SOS1: variants seen among roughly 807,000 people sequenced by gnomAD.
The protein encoded by SOS1 is son of sevenless homolog 1.
A neutral mutation model predicts 157.6 loss-of-function variants in SOS1; 25 were observed. The observed-to-expected ratio is 0.16, with a 90% CI of 0.12 to 0.22. The LOEUF (loss-of-function observed/expected upper bound fraction) is 0.22. SOS1 is among the 10% of genes least tolerant of loss of function. The pLI is 1.00. For missense variants in SOS1, 1,237 were observed against 1,599.1 expected (o/e 0.77, Z 3.86); for synonymous variants, 528 against 534.0 (o/e 0.99, Z 0.16).
At chr2:39,113,743 T>C (rs1673530641) in intron 1 of SOS1, among the ~76,000 whole-genome samples, 1 of 152,176 alleles carries the variant, frequency 6.6e-6, no homozygotes, top group Non-Finnish European at 1.5e-5. Flanking sequence ...TTTGTGTTCC[T>C]GAATCTTCAC....
At chr2:38,996,057 T>C (rs975237752) in intron 19 of SOS1, among the ~76,000 whole-genome samples, 1 of 152,210 alleles carries the variant, frequency 6.6e-6, no homozygotes, top group African/African-American at 2.4e-5. Context: ...CTTGGTCACT[T>C]AGAAGCCATC....
chr2:39,024,148 A>C lies in SOS1; in HGVS notation c.1075-11T>G. Reference sequence around the variant, plus strand: ...TTTTTCTTCTAACTGCTGTAAAGCCAAAATGACAAATCTGAACCAGTAGTA... The same window carrying C: ...TTTTTCTTCTAACTGCTGTAAAGCCCAAATGACAAATCTGAACCAGTAGTA... On this transcript the variant is annotated splice_polypyrimidine_tract_variant and intron_variant, in intron 8 of 22. Coordinates refer to ENST00000402219, the MANE Select transcript of SOS1 (RefSeq NM_005633.4). The C allele has an allele frequency of 1.2e-6, 2 of 1,606,212 alleles. No homozygotes were observed. Among genetic ancestry groups the C allele is most frequent in the Non-Finnish European group, 1.7e-6 (2 of 1,173,174 alleles).
intron 11 of SOS1, 94 bp downstream of exon 11, chr2:39,014,669 ATT>A: frequency 1.6e-6 from 1 of 640,388 alleles, no homozygotes; most frequent in Admixed American, 2.6e-5. Context: ...TGTGAAGTAT[ATT>A]TTAAAGCTCA....
At chr2:39,061,045 C>G (rs1671383308) in intron 2 of SOS1, among the ~76,000 whole-genome samples, 1 of 151,714 alleles carries the variant, frequency 6.6e-6, no homozygotes, top group African/African-American at 2.4e-5. Flanking sequence ...TCAATTATGT[C>G]TACCTCATTC....
chr2:39,034,765 A>G (rs953166834), intron 8 of SOS1: 5 of 455,302 alleles, frequency 1.1e-5, no homozygotes, highest in African/African-American at 1.0e-4. Context: ...AAGTCAGGTA[A>G]ACTAACCTTC....
At chr2:39,113,414 T>G (rs1247491388) in intron 1 of SOS1, among the ~76,000 whole-genome samples, 2 of 151,566 alleles carry the variant, frequency 1.3e-5, no homozygotes, top group African/African-American at 2.4e-5. Context: ...CCTAGGCTGT[T>G]CTCAAACTCC....
intron 12 of SOS1, 73 bp downstream of exon 12, chr2:39,013,794 A>G (rs1669539923): frequency 1.5e-6 from 2 of 1,292,398 alleles, no homozygotes; most frequent in Non-Finnish European, 1.1e-6. Flanking sequence ...TGTTTGGGAA[A>G]GGTCCTTATA....
chr2:39,036,739 A>ATT (rs59918188), intron 6 of SOS1, among the ~76,000 whole-genome samples: 33 of 150,446 alleles, frequency 2.2e-4, no homozygotes, highest in African/African-American at 6.8e-4. Flanking sequence ...ACGCCCGGCT[A>ATT]TTTTTTTTTG....
intron 1 of SOS1, among the ~76,000 whole-genome samples, chr2:39,080,054 A>G (rs1157041271): frequency 6.6e-6 from 1 of 152,070 alleles, no homozygotes; most frequent in East Asian, 1.9e-4. Flanking sequence ...ATTCAAGTGC[A>G]TTACATTTAT....
chr2:39,112,810 G>A (rs924103343), intron 1 of SOS1, among the ~76,000 whole-genome samples: 5 of 152,126 alleles, frequency 3.3e-5, no homozygotes, highest in South Asian at 2.1e-4. Flanking sequence ...AGGCCGAGGC[G>A]GGCAGACTGC....
chr2:39,120,387 G>A lies in SOS1; in HGVS notation c.36C>T (p.Ser12=). Residue 12 remains serine (S), a synonymous_variant, in exon 1 of 23, where the codon AGC becomes AGT. Coordinates refer to ENST00000402219, the MANE Select transcript of SOS1 (RefSeq NM_005633.4). ...CCCGCCACTTGGGCGCGTTCTCTTC[G>A]CTGAAAAACTCGTAGGGCAGCTGCT... The part of the protein sequence containing the change: ...QAQQLPYEFF[S]EENAPKWRGL... The A allele has an allele frequency of 6.2e-7, 1 of 1,601,848 alleles. No individual in the cohort carries two copies. Among genetic ancestry groups the A allele is most frequent in the South Asian group, 1.1e-5 (1 of 89,722 alleles).
chr2:39,074,089 C>T (rs1298774270), intron 1 of SOS1, among the ~76,000 whole-genome samples: 16 of 152,272 alleles, frequency 1.1e-4, no homozygotes, highest in Non-Finnish European at 1.5e-5. Context: ...GTGGCCTACG[C>T]CTGTAATCCC....
intron 6 of SOS1, among the ~76,000 whole-genome samples, chr2:39,038,464 G>C (rs868135066): frequency 6.6e-6 from 1 of 151,800 alleles, no homozygotes; most frequent in African/African-American, 2.4e-5. Context: ...GGCTGGGCGC[G>C]GTGGCTCACG....
At position 38,984,043 on chromosome 2, in the gene SOS1, G is replaced by A. The variant is rs1668478294; in HGVS notation, c.*1781C>T. 1.3e-5 allele frequency: 2 copies of A among 152,158 alleles called. No individual in the cohort carries two copies. Among genetic ancestry groups the A allele is most frequent in the Non-Finnish European group, 2.9e-5 (2 of 68,032 alleles). 9.4% of individuals were successfully genotyped at this position (152,158 alleles called of 1,614,324 possible). A position where few individuals can be genotyped will look rare whatever the true frequency, so the allele number is the denominator to read the frequency against. ...TTCTGGTCTTAAAGGACTACATACT[G>A]TACTATCGTGATGTACATTTTATGC... On this transcript the variant is annotated 3_prime_UTR_variant, in exon 23 of 23. Transcript: ENST00000402219.
chr2:39,069,353 C>T (rs1671716960), intron 1 of SOS1, among the ~76,000 whole-genome samples: 1 of 151,974 alleles, frequency 6.6e-6, no homozygotes, highest in Non-Finnish European at 1.5e-5. Flanking sequence ...GTACTCCAGC[C>T]TGGCCAACAG....
intron 1 of SOS1, among the ~76,000 whole-genome samples, chr2:39,107,860 A>C (rs922964901): frequency 1.3e-5 from 2 of 152,154 alleles, no homozygotes; most frequent in African/African-American, 4.8e-5. Context: ...GTGGTGTTTG[A>C]AATGTACTTT....
chr2:39,118,048 T>G (rs1214766424), intron 1 of SOS1, among the ~76,000 whole-genome samples: 1 of 152,210 alleles, frequency 6.6e-6, no homozygotes, highest in Admixed American at 6.5e-5. Flanking sequence ...TCATCCCTGT[T>G]CTCAAGGAGC....
intron 8 of SOS1, chr2:39,034,989 C>G (rs1558480340): frequency 6.6e-6 from 4 of 607,720 alleles, no homozygotes; most frequent in Admixed American, 5.8e-5. Context: ...AAAGAAAAAA[C>G]AAAAAACAAA....
At chr2:39,024,216 A>G in intron 8 of SOS1, 79 bp from the exon 9 acceptor site, 1 of 1,108,596 alleles carries the variant, frequency 9.0e-7, no homozygotes, top group South Asian at 1.3e-5. Flanking sequence ...AAGGATAAAA[A>G]TAACATTTAT....
Sources: allele counts gnomAD v4.1 joint callset (sites outside exome capture counted in the v4.1 genomes callset), GRCh38; gene constraint gnomAD v4.1.1; transcripts MANE v1.5; gene names NCBI Gene and HGNC (gene_info 2026-07-23, HGNC 2026-07-21).